Variants in DIP2B observed in about 807,000 individuals in gnomAD.
DIP2B encodes DIP2 acetate--CoA ligase B (putative), also known as disco-interacting protein 2 homolog B.
A neutral mutation model predicts 198.0 loss-of-function variants in DIP2B; 76 were observed. The ratio of observed to expected loss-of-function variants is 0.38; its 90% CI spans 0.32 to 0.46. The LOEUF is 0.46. DIP2B is among the 20% of genes least tolerant of loss of function. The probability of loss-of-function intolerance (pLI) is 0.99; values close to 1 mark genes in which losing one functional copy is unlikely to be tolerated. For synonymous variants in DIP2B, 701 were observed against 739.1 expected (o/e 0.95, Z 0.84); for missense variants, 1,559 against 1,978.4 (o/e 0.79, Z 4.02).
At chr12:50,675,235 A>G (rs1938926106) in intron 6 of DIP2B, 94 bp from the exon 7 acceptor site, 1 of 1,490,060 alleles carries the variant, frequency 6.7e-7, no homozygotes. Context: ...ACAAACGCCA[A>G]ACATCCTTAG....
intron 5 of DIP2B, 73 bp downstream of exon 5, chr12:50,671,471 GGTTT>G: frequency 6.6e-7 from 1 of 1,507,380 alleles, no homozygotes; most frequent in Non-Finnish European, 9.1e-7. Context: ...AATAGTTTAT[GGTTT>G]GTGTTAGGTT....
chr12:50,686,374 T>C (rs897790188), intron 11 of DIP2B, among the ~76,000 whole-genome samples, 199 bp from the exon 12 acceptor site: 5 of 152,212 alleles, frequency 3.3e-5, no homozygotes, highest in Admixed American at 3.3e-4. Flanking sequence ...GGCCTGGAAT[T>C]AGCATGTGGA....
intron 1 of DIP2B, among the ~76,000 whole-genome samples, chr12:50,535,171 G>A (rs1459240261): frequency 6.6e-6 from 1 of 152,080 alleles, no homozygotes; most frequent in African/African-American, 2.4e-5. Flanking sequence ...GGTCAAGGCT[G>A]CAGTGAGCAG....
At chr12:50,720,865 G>A (rs1939823040) in intron 25 of DIP2B, among the ~76,000 whole-genome samples, 1 of 151,998 alleles carries the variant, frequency 6.6e-6, no homozygotes, top group Non-Finnish European at 1.5e-5. Context: ...TCTTTTTTGA[G>A]ACAGAATCTC....
intron 10 of DIP2B, 27 bp from the exon 11 acceptor site, chr12:50,685,806 C>CCTAT (rs749356288): frequency 1.2e-6 from 2 of 1,608,334 alleles, no homozygotes; most frequent in South Asian, 2.2e-5. Flanking sequence ...CGCTCCCCTA[C>CCTAT]CTATGTTCAT....
At chr12:50,706,797 G>A (rs967603599) in intron 21 of DIP2B, 132 bp downstream of exon 21, 9 of 1,023,020 alleles carry the variant, frequency 8.8e-6, no homozygotes, top group African/African-American at 4.9e-5. Context: ...CATTGCATAA[G>A]CCTGGCTTTT....
chr12:50,551,722 G>T (rs1593602428), intron 1 of DIP2B, among the ~76,000 whole-genome samples: 1 of 152,164 alleles, frequency 6.6e-6, no homozygotes. Context: ...GGGATTACAT[G>T]CATGAGCCAC....
chr12:50,617,248 C>T (rs753953049), intron 1 of DIP2B, among the ~76,000 whole-genome samples: 29 of 151,714 alleles, frequency 1.9e-4, no homozygotes, highest in Non-Finnish European at 2.9e-4. Flanking sequence ...TTCCACCTCC[C>T]GGGTTCATGC....
At chr12:50,707,983 C>T (rs981510328) in intron 21 of DIP2B, among the ~76,000 whole-genome samples, 3 of 152,102 alleles carry the variant, frequency 2.0e-5, no homozygotes, top group South Asian at 2.1e-4. Flanking sequence ...TTTCGCTTTC[C>T]GTTCCTTCTG....
intron 1 of DIP2B, among the ~76,000 whole-genome samples, chr12:50,606,431 T>G (rs141015938): frequency 1.4e-4 from 21 of 152,354 alleles, no homozygotes; most frequent in African/African-American, 4.8e-4. Flanking sequence ...TCTTCATTTG[T>G]TTTATTGCTG....
intron 1 of DIP2B, among the ~76,000 whole-genome samples, chr12:50,624,982 T>C (rs1408831547): frequency 2.0e-5 from 3 of 152,220 alleles, no homozygotes; most frequent in Admixed American, 6.5e-5. Flanking sequence ...CATGCTTTTT[T>C]CCCCTAATAA....
intron 1 of DIP2B, among the ~76,000 whole-genome samples, chr12:50,590,942 CT>C (rs1958813776): frequency 6.6e-6 from 1 of 152,156 alleles, no homozygotes; most frequent in Admixed American, 6.5e-5. Flanking sequence ...AAGAGATGGA[CT>C]TTTAAGAGGT....
At chr12:50,509,043 T>G (rs188216938) in intron 1 of DIP2B, among the ~76,000 whole-genome samples, 1 of 152,266 alleles carries the variant, frequency 6.6e-6, no homozygotes, top group African/African-American at 2.4e-5. Context: ...CTCTGAAATC[T>G]CTTTCAAATC....
At chr12:50,715,806 G>T (rs1939703921) in intron 23 of DIP2B, among the ~76,000 whole-genome samples, 2 of 152,194 alleles carry the variant, frequency 1.3e-5, no homozygotes, top group South Asian at 2.1e-4. Context: ...TTCCAGGCAT[G>T]TGTCCAGCTA....
At chr12:50,733,870 A>G (rs966337422) in intron 32 of DIP2B, among the ~76,000 whole-genome samples, 6 of 152,168 alleles carry the variant, frequency 3.9e-5, no homozygotes, top group East Asian at 3.8e-4. Context: ...ACTGTGGCCA[A>G]TACTGGTTTT....
chr12:50,640,790 C>A lies in DIP2B; in HGVS notation c.239C>A (p.Ser80Tyr), dbSNP rs771056180. The A allele has an allele frequency of 6.2e-7, 1 of 1,614,050 alleles. No homozygotes were observed. The highest frequency in any genetic ancestry group is 1.1e-5 in the South Asian group (1 of 91,078). ...CCTGCTCCATCTGCAGCTCAAACTT[C>A]TGCTCCCTCTAAGTACCACCGAACT... ...QTPAPSAAQT[S>Y]APSKYHRTRS... Residue 80 changes from serine (S) to tyrosine (Y), a missense_variant, in exon 3 of 38, where the codon TCT becomes TAT. By Grantham distance (144) the Ser-to-Tyr change is moderately radical. Transcript: ENST00000301180.
At chr12:50,658,180 A>G (rs967721609) in intron 3 of DIP2B, among the ~76,000 whole-genome samples, 1 of 151,918 alleles carries the variant, frequency 6.6e-6, no homozygotes, top group Admixed American at 6.6e-5. Context: ...TCTGTCGCCC[A>G]GGCTGGAGTA....
chr12:50,719,097 T>A, intron 25 of DIP2B, 62 bp downstream of exon 25: 1 of 1,526,212 alleles, frequency 6.6e-7, no homozygotes, highest in Non-Finnish European at 8.9e-7. Flanking sequence ...TTAGGCACTC[T>A]TGATCTCTTT....
chr12:50,711,935 G>A (rs1939623866), intron 22 of DIP2B, among the ~76,000 whole-genome samples: 1 of 152,208 alleles, frequency 6.6e-6, no homozygotes. Context: ...TTGGGAAGCT[G>A]AAGCTGAGGG....
Sources: allele counts gnomAD v4.1 joint callset (sites outside exome capture counted in the v4.1 genomes callset), GRCh38; gene constraint gnomAD v4.1.1; transcripts MANE v1.5; gene names NCBI Gene and HGNC (gene_info 2026-07-23, HGNC 2026-07-21).